Variants in ZFP82 observed in about 807,000 individuals in gnomAD.
The protein encoded by ZFP82 is ZFP82 zinc finger protein.
Under a neutral mutation model 54.0 loss-of-function variants are expected in ZFP82, and 30 were observed. The ratio of observed to expected loss-of-function variants is 0.56; its 90% CI spans 0.42 to 0.75. The LOEUF (loss-of-function observed/expected upper bound fraction) is 0.75. Ranked by LOEUF, ZFP82 falls within the 30% of genes least tolerant of loss-of-function variation. The pLI, the probability that ZFP82 is intolerant of heterozygous loss-of-function variation, is 0.00. For synonymous variants in ZFP82, 194 were observed against 209.5 expected (o/e 0.93, Z 0.64); for missense variants, 500 against 636.8 (o/e 0.79, Z 2.31).
chr19:36,388,601 TA>T (rs540049551), downstream of ZFP82, among the ~76,000 whole-genome samples: 103 of 152,112 alleles, frequency 6.8e-4, no homozygotes, highest in Non-Finnish European at 1.1e-3. Context: ...CTTAAATTTT[TA>T]AAAAAACCTC....
chr19:36,410,520 G>A (rs1403803925), intron 1 of ZFP82, among the ~76,000 whole-genome samples: 1 of 151,336 alleles, frequency 6.6e-6, no homozygotes, highest in Non-Finnish European at 1.5e-5. Context: ...TTGTTTTTTT[G>A]AGATGGAGTC....
intron 4 of ZFP82, 123 bp from the exon 5 acceptor site, chr19:36,394,233 C>A: frequency 1.9e-5 from 17 of 912,586 alleles, no homozygotes; most frequent in South Asian, 1.1e-4. Context: ...TATTGTTATA[C>A]AATTTGGAAA....
Position 36,398,370 on chromosome 19 carries a change from C to G in ZFP82, c.230-4260G>C, listed in dbSNP as rs370525786. 3.9e-5 allele frequency among the ~76,000 whole-genome samples: 6 copies of G among 152,162 alleles called. No homozygotes were observed. In the South Asian group the frequency reaches 1.2e-3, roughly 32 times the overall value. ...TGGCCAATATTGTGAAACCCTGTCT[C>G]TATTAAAAATACAAAAGTTAGCGGG... On this transcript the variant is annotated intron_variant, in intron 4 of 4. Coordinates refer to ENST00000392161, the MANE Select transcript of ZFP82 (RefSeq NM_133466.4).
chr19:36,397,661 G>T (rs7251979), intron 4 of ZFP82, among the ~76,000 whole-genome samples: 102,875 of 151,476 alleles, frequency 0.68, 35,188 homozygotes, highest in African/African-American at 0.76. Context: ...CCACCCGCTG[G>T]CCCCCCGCCA....
intron 1 of ZFP82, among the ~76,000 whole-genome samples, chr19:36,414,042 A>G (rs1484844589): frequency 6.6e-6 from 1 of 151,810 alleles, no homozygotes; most frequent in African/African-American, 2.4e-5. Context: ...CTGGGACTAC[A>G]GGTGCCCGCC....
intron 4 of ZFP82, among the ~76,000 whole-genome samples, chr19:36,401,400 C>G (rs1290971969): frequency 6.6e-6 from 1 of 152,176 alleles, no homozygotes; most frequent in East Asian, 1.9e-4. Context: ...TCCTATTTTC[C>G]TCACTTCAGT....
At chr19:36,417,052 G>A (rs1316671736) in intron 1 of ZFP82, among the ~76,000 whole-genome samples, 1 of 127,988 alleles carries the variant, frequency 7.8e-6, no homozygotes, top group East Asian at 2.4e-4. Flanking sequence ...CAACCTGGGT[G>A]ACAGAGCAAG....
At chr19:36,416,450 T>C (rs1459777473) in intron 1 of ZFP82, among the ~76,000 whole-genome samples, 1 of 152,136 alleles carries the variant, frequency 6.6e-6, no homozygotes, top group African/African-American at 2.4e-5. Flanking sequence ...TTCAAATTAC[T>C]TCTGGTTAAG....
intron 1 of ZFP82, among the ~76,000 whole-genome samples, chr19:36,413,900 A>AT (rs534093783): frequency 0.16 from 21,789 of 138,168 alleles, 2,173 homozygotes; most frequent in South Asian, 0.32. Context: ...ATCTTCAATA[A>AT]TTTTTTTTTT....
exon 2 of ZFP82, chr19:36,383,163 C>T (rs929083531): frequency 1.3e-5 from 2 of 152,134 alleles, no homozygotes; most frequent in African/African-American, 2.4e-5. Context: ...TTCCCAACCA[C>T]ATGGCCGAGG....
At chr19:36,409,707 A>G in intron 2 of ZFP82, 74 bp downstream of exon 2, 1 of 1,521,028 alleles carries the variant, frequency 6.6e-7, no homozygotes, top group Non-Finnish European at 9.1e-7. Context: ...TCTGATAGTA[A>G]GGAAGTTTCA....
chr19:36,394,431 C>T (rs917534335), intron 4 of ZFP82: 2 of 247,932 alleles, frequency 8.1e-6, no homozygotes, highest in African/African-American at 2.3e-5. Flanking sequence ...CTCTGCAGTC[C>T]TGGAAGGATA....
At position 36,405,673 on chromosome 19, in the gene ZFP82, C is replaced by A; in HGVS notation, c.137-1G>T. 6.3e-7 allele frequency: 1 copy of A among 1,593,100 alleles called. No individual in the cohort carries two copies. Among genetic ancestry groups the A allele is most frequent in the Non-Finnish European group, 8.6e-7 (1 of 1,166,130 alleles). ...ACATCTGGTTTAGAAATGAAGCATC[C>A]TGCTTAGAAGAAAAGGAATATAAGG... On this transcript the variant is annotated splice_acceptor_variant, in intron 3 of 4. Transcript: ENST00000392161. LOFTEE classifies it high-confidence loss of function.
intron 4 of ZFP82, among the ~76,000 whole-genome samples, chr19:36,400,068 G>A (rs180856533): frequency 3.4e-4 from 51 of 152,152 alleles, no homozygotes; most frequent in Non-Finnish European, 6.6e-4. Flanking sequence ...TAAAATATAC[G>A]ACCCATTTTT....
At chr19:36,409,221 T>C (rs933428478) in intron 2 of ZFP82, among the ~76,000 whole-genome samples, 1 of 152,132 alleles carries the variant, frequency 6.6e-6, no homozygotes, top group Non-Finnish European at 1.5e-5. Flanking sequence ...GATCTTATGA[T>C]ATACTGAGGC....
chr19:36,408,526 A>G (rs1270221794), intron 2 of ZFP82, among the ~76,000 whole-genome samples: 1 of 152,174 alleles, frequency 6.6e-6, no homozygotes, highest in African/African-American at 2.4e-5. Flanking sequence ...ACTGTTAAAA[A>G]TTGGTTGTAT....
At chr19:36,394,378 C>A (rs1449591391) in intron 4 of ZFP82, 1 of 396,606 alleles carries the variant, frequency 2.5e-6, no homozygotes, top group Non-Finnish European at 4.5e-6. Context: ...TAGCTTGTTA[C>A]TAACACTGAG....
chr19:36,393,489 C>T lies in ZFP82; in HGVS notation c.851G>A (p.Cys284Tyr), dbSNP rs1568483388. ...RIHTGEKPYV[C>Y]KECGKAFRQY... ...TCTAAAGGCTTTTCCACACTCTTTA[C>T]ACACATAGGGTTTCTCACCAGTATG... is the stretch of plus-strand genomic sequence containing the variant. The change falls in exon 5 of 5, where the codon TGT becomes TAT. Residue 284 changes from cysteine (C) to tyrosine (Y), a missense_variant. Coordinates refer to ENST00000392161, the MANE Select transcript of ZFP82 (RefSeq NM_133466.4). 1 of 1,614,102 alleles carries T rather than the reference C, an allele frequency of 6.2e-7. No individual in the cohort carries two copies. Among genetic ancestry groups the T allele is most frequent in the Non-Finnish European group, 8.5e-7 (1 of 1,180,016 alleles).
downstream of ZFP82, among the ~76,000 whole-genome samples, chr19:36,386,921 C>T (rs758443717): frequency 6.6e-6 from 1 of 152,140 alleles, no homozygotes; most frequent in African/African-American, 2.4e-5. Flanking sequence ...GGTGACAGAG[C>T]GAGACTCCGT....
Sources: allele counts gnomAD v4.1 joint callset (sites outside exome capture counted in the v4.1 genomes callset), GRCh38; gene constraint gnomAD v4.1.1; transcripts MANE v1.5; gene names NCBI Gene and HGNC (gene_info 2026-07-23, HGNC 2026-07-21).